Variants in ZNF71 observed in about 807,000 individuals in gnomAD.
ZNF71 encodes endothelial zinc finger protein induced by tumor necrosis factor alpha.
ZNF71 carries 3 observed loss-of-function variants against 6.7 expected under a neutral mutation model. The ratio of observed to expected loss-of-function variants is 0.45; its 90% confidence interval spans 0.20 to 1.16. The LOEUF (loss-of-function observed/expected upper bound fraction) is 1.16. ZNF71 is among the 50% of genes most tolerant of loss of function. ZNF71 has a pLI of 0.25. For synonymous variants in ZNF71, 343 were observed against 311.1 expected, an observed-to-expected ratio of 1.10 and a Z score of -1.08; for missense variants, 688 against 728.6, an observed-to-expected ratio of 0.94 and a Z score of 0.64.
chr19:56,609,686 G>A (rs1049344948), intron 2 of ZNF71, among the ~76,000 whole-genome samples: 11 of 140,738 alleles, frequency 7.8e-5, no homozygotes, highest in Admixed American at 7.5e-4. Context: ...ATACGATATG[G>A]ATTTTGCCTG....
rs1233745882 is a variant in ZNF71 at position 56,624,328 on chromosome 19, G to T, written c.*1571G>T. 1 of 152,226 alleles carries T rather than the reference G, an allele frequency of 6.6e-6. No individual in the cohort carries two copies. Among genetic ancestry groups the T allele is most frequent in the Non-Finnish European group, 1.5e-5 (1 of 68,046 alleles). The allele number at this position is 152,226 out of a possible 1,614,324, so 9.4% of individuals were successfully genotyped here. ...TCTCATCATTGGAGCCATAGCTGTG[G>T]TTCTCTGTGATGCTCTGGCTCTCCC... On this transcript the variant is annotated 3_prime_UTR_variant, in exon 4 of 4. Transcript: ENST00000599599.
chr19:56,622,490 G>C lies in ZNF71; in HGVS notation c.1383G>C (p.Gln461His), dbSNP rs766671789. 7 of 1,609,352 alleles carry C rather than the reference G, an allele frequency of 4.3e-6. No individual in the cohort carries two copies. Among genetic ancestry groups the C allele is most frequent in the African/African-American group, 2.7e-5 (2 of 74,610 alleles). ...FTGRSSLIVHQIVHTGEKPYV... is the reference protein window; with the variant it reads ...FTGRSSLIVHHIVHTGEKPYV... ...GGCGCTCGTCCCTCATCGTGCACCA[G>C]ATCGTGCACACCGGGGAGAAGCCCT... Residue 461 changes from glutamine to histidine, a missense_variant, in exon 4 of 4, where the codon CAG becomes CAC. By Grantham distance (24) the Gln-to-His change is conservative. Coordinates refer to ENST00000599599, the MANE Select transcript of ZNF71 (RefSeq NM_001370215.1).
chr19:56,621,825 C>A lies in ZNF71; in HGVS notation c.718C>A (p.His240Asn). ...RSSLTIHQRV[H>N]TGEKPYACGD... is the part of the protein sequence containing the mutation. ...GTCCCTCACCATCCACCAGCGGGTG[C>A]ACACGGGCGAGAAGCCCTATGCCTG... The change falls in exon 4 of 4, where the codon CAC (histidine) becomes AAC (asparagine). Residue 240 changes from histidine to asparagine, a missense_variant. Physicochemically the swap from His to Asn is moderately conservative, Grantham distance 68. Coordinates refer to ENST00000599599, the MANE Select transcript of ZNF71 (RefSeq NM_001370215.1). 6.2e-7 allele frequency: 1 copy of A among 1,612,118 alleles called. No homozygotes were observed. The highest frequency in any genetic ancestry group is 8.5e-7 in the Non-Finnish European group (1 of 1,178,196).
At chr19:56,620,480 G>A (rs1291614273) in intron 3 of ZNF71, among the ~76,000 whole-genome samples, 1 of 152,026 alleles carries the variant, frequency 6.6e-6, no homozygotes, top group African/African-American at 2.4e-5. Flanking sequence ...CCATATAAAT[G>A]CTAGCTATTT....
intron 2 of ZNF71, among the ~76,000 whole-genome samples, chr19:56,607,724 C>G (rs1484070090): frequency 6.6e-6 from 1 of 152,200 alleles, no homozygotes; most frequent in Non-Finnish European, 1.5e-5. Flanking sequence ...ACACTCACCC[C>G]CCTGTATTAC....
rs771402320 is a variant in ZNF71, at chr19:56,621,909, C to T, written c.802C>T (p.His268Tyr). Residue 268 changes from histidine (H) to tyrosine (Y), a missense_variant, in exon 4 of 4, where the codon CAC (histidine) becomes TAC (tyrosine). Coordinates refer to ENST00000599599, the MANE Select transcript of ZNF71 (RefSeq NM_001370215.1). ...GAACCTCACTGTGCACCAGCGCACGCACACGGGCGAGAAGCCGTATGTGTG... is the reference window on the plus strand; with the variant it reads ...GAACCTCACTGTGCACCAGCGCACGTACACGGGCGAGAAGCCGTATGTGTG... The part of the protein sequence containing the change: ...RMNLTVHQRT[H>Y]TGEKPYVCDV... 2 of 1,613,662 alleles carry T rather than the reference C, an allele frequency of 1.2e-6. No homozygotes were observed. Among genetic ancestry groups the T allele is most frequent in the Admixed American group, 3.3e-5 (2 of 59,962 alleles).
chr19:56,601,592 G>T lies in ZNF71; in HGVS notation c.33+1G>T, dbSNP rs2044671194. 5 of 985,784 alleles carry T rather than the reference G, an allele frequency of 5.1e-6. No individual in the cohort carries two copies. The South Asian group carries it at 2.3e-4, about 46-fold the overall frequency. The allele number at this position is 985,784 out of a possible 1,614,324, so 61.1% of individuals were successfully genotyped here. ...TCAGCTGCTGACTGATGAGGCACTG[G>T]TGAGTCATGTTGCCCTGTCACTCTC... On this transcript the variant is annotated splice_donor_variant, in intron 2 of 3. Coordinates refer to ENST00000599599, the MANE Select transcript of ZNF71 (RefSeq NM_001370215.1). LOFTEE classifies it high-confidence loss of function.
rs1329869580 is a variant in ZNF71, at chr19:56,621,263, T to G, written c.161-5T>G. The G allele has an allele frequency of 6.6e-7, 1 of 1,514,792 alleles. No homozygotes were observed. The highest frequency in any genetic ancestry group is 1.4e-5 in the African/African-American group (1 of 71,726). 93.8% of individuals were successfully genotyped at this position (1,514,792 alleles called of 1,614,324 possible). The stretch of plus-strand genomic sequence containing the variant: ...ATTTGCATCTTCTGTTTTTGTTTTT[T>G]TCAGACTGGGAGACTAGACCTGAAA... On this transcript the variant is annotated splice_region_variant and splice_polypyrimidine_tract_variant and intron_variant, in intron 3 of 3. Transcript: ENST00000599599.
In ZNF71 at chr19:56,601,503, A is replaced by G. The variant is rs372597640; in HGVS notation, c.-52-4A>G. ...GCATGCCTCCCTCTTTCTTCTCCCT[A>G]CAGCACTGTTGGTCACCGCAGGCCT... On this transcript the variant is annotated splice_polypyrimidine_tract_variant and splice_region_variant and intron_variant, in intron 1 of 3. Coordinates refer to ENST00000599599, the MANE Select transcript of ZNF71 (RefSeq NM_001370215.1). 1,192 of 984,140 alleles carry G rather than the reference A, an allele frequency of 1.2e-3. 41 individuals carry two copies. In the South Asian group the frequency reaches 0.05, roughly 42 times the overall value. 61.0% of individuals were successfully genotyped at this position (984,140 alleles called of 1,614,324 possible). A position where few individuals can be genotyped will look rare whatever the true frequency, so the allele number is the denominator to read the frequency against.
rs191073231 is a variant in ZNF71, at chr19:56,623,532, G to A, written c.*775G>A. On this transcript the variant is annotated 3_prime_UTR_variant, in exon 4 of 4. Coordinates refer to ENST00000599599, the MANE Select transcript of ZNF71 (RefSeq NM_001370215.1). ...CAAGAAGGAAAAGAAACAGCAGCAG[G>A]TTTGATATTCAGAAAGAAATATGCA... The A allele has an allele frequency of 3.6e-5, 6 of 167,180 alleles. No individual in the cohort carries two copies. In the East Asian group the frequency reaches 9.6e-4, roughly 27 times the overall value. 10.4% of individuals were successfully genotyped at this position (167,180 alleles called of 1,614,324 possible).
At chr19:56,609,617 C>T (rs1490212219) in intron 2 of ZNF71, among the ~76,000 whole-genome samples, 1 of 138,648 alleles carries the variant, frequency 7.2e-6, no homozygotes, top group Non-Finnish European at 1.5e-5. Context: ...GGACATTGTC[C>T]ATAAATGAGG....
chr19:56,621,639 A>T lies in ZNF71; in HGVS notation c.532A>T (p.Ser178Cys). The change falls in exon 4 of 4, where the codon AGT becomes TGT. Residue 178 changes from serine to cysteine, a missense_variant. Ser to Cys is a moderately radical substitution (Grantham distance 112). Transcript: ENST00000599599. ...GAACTTCTCCAGCACTTCAGACCTC[A>T]GTAAGCCCCCCATGCCCTGCGAGGA... Reference protein sequence around the residue: ...GKNFSSTSDLSKPPMPCEEKK... With the variant: ...GKNFSSTSDLCKPPMPCEEKK... The T allele has an allele frequency of 1.2e-6, 2 of 1,614,212 alleles. No individual in the cohort carries two copies. Among genetic ancestry groups the T allele is most frequent in the Non-Finnish European group, 1.7e-6 (2 of 1,180,036 alleles).
rs778640416 is a variant in ZNF71, at chr19:56,622,422, G to A, written c.1315G>A (p.Glu439Lys). The A allele has an allele frequency of 8.1e-6, 13 of 1,614,090 alleles. No individual in the cohort carries two copies. The South Asian group carries it at 1.3e-4, about 16-fold the overall frequency. The change falls in exon 4 of 4, where the codon GAG (glutamate) becomes AAG (lysine). Residue 439 changes from glutamate to lysine, a missense_variant. Glu to Lys is a moderately conservative substitution (Grantham distance 56). Coordinates refer to ENST00000599599, the MANE Select transcript of ZNF71 (RefSeq NM_001370215.1). Reference sequence around the variant, plus strand: ...GCAGCACCAGCGCATCCACACCGGCGAGAAGCCCTACGAGTGCTACATCTG... The same window carrying A: ...GCAGCACCAGCGCATCCACACCGGCAAGAAGCCCTACGAGTGCTACATCTG... ...LTQHQRIHTG[E>K]KPYECYICKK... is the part of the protein sequence containing the mutation.
chr19:56,621,746 G>A lies in ZNF71; in HGVS notation c.639G>A (p.Thr213=), dbSNP rs374454585. ...SSLIKHQRIH[T]GEKPFECDTC... ...TGATAAAGCACCAAAGGATCCACAC[G>A]GGAGAAAAGCCGTTTGAGTGTGACA... is the stretch of plus-strand genomic sequence containing the variant. Residue 213 remains threonine (T), a synonymous_variant, in exon 4 of 4, where the codon ACG becomes ACA. Coordinates refer to ENST00000599599, the MANE Select transcript of ZNF71 (RefSeq NM_001370215.1). The A allele has an allele frequency of 2.5e-6, 4 of 1,613,874 alleles. No homozygotes were observed. Among genetic ancestry groups the A allele is most frequent in the East Asian group, 2.2e-5 (1 of 44,880 alleles).
chr19:56,616,631 A>G (rs2044793686), intron 3 of ZNF71, among the ~76,000 whole-genome samples: 1 of 152,198 alleles, frequency 6.6e-6, no homozygotes, highest in Non-Finnish European at 1.5e-5. Context: ...GTTTCCTGAC[A>G]TGCACGTTTT....
chr19:56,615,981 T>C (rs2044788272), intron 3 of ZNF71, among the ~76,000 whole-genome samples: 1 of 152,188 alleles, frequency 6.6e-6, no homozygotes, highest in Non-Finnish European at 1.5e-5. Context: ...AGAACGGGGC[T>C]CAACATCATT....
In ZNF71 at chr19:56,621,435, G is replaced by A. The variant is rs2044846823; in HGVS notation, c.328G>A (p.Gly110Arg). 6.2e-7 allele frequency: 1 copy of A among 1,613,960 alleles called. No individual in the cohort carries two copies. Among genetic ancestry groups the A allele is most frequent in the South Asian group, 1.1e-5 (1 of 91,062 alleles). The stretch of plus-strand genomic sequence containing the variant: ...AGGCAGCTGGCCAGAGAGGCCGCGG[G>A]GAGATGCAGGTGCAGAGTGGGAGCC... Reference protein sequence around the residue: ...EPGSWPERPRGDAGAEWEPLG... With the variant: ...EPGSWPERPRRDAGAEWEPLG... Residue 110 changes from glycine to arginine, a missense_variant, in exon 4 of 4, where the codon GGA (glycine) becomes AGA (arginine). By Grantham distance (125) the Gly-to-Arg change is moderately radical. Transcript: ENST00000599599.
intron 2 of ZNF71, chr19:56,610,034 G>T (rs1423935697): frequency 2.0e-5 from 3 of 152,234 alleles, no homozygotes; most frequent in African/African-American, 7.2e-5. Flanking sequence ...CATTCGTCAG[G>T]AGATGGACAT....
intron 1 of ZNF71, among the ~76,000 whole-genome samples, chr19:56,596,969 C>T (rs905508723): frequency 6.6e-6 from 1 of 152,232 alleles, no homozygotes; most frequent in Non-Finnish European, 1.5e-5. Context: ...TCAACAGCCA[C>T]TGGCCATACT....
Sources: gnomAD v4.1 joint callset for allele counts (sites outside exome capture counted in the v4.1 genomes callset) on GRCh38, gnomAD v4.1.1 for gene constraint, MANE v1.5 for transcripts, NCBI Gene and HGNC (gene_info 2026-07-23, HGNC 2026-07-21) for gene names.